Variants in SULT1C3 observed in about 807,000 individuals in gnomAD.
The protein encoded by SULT1C3 is sulfotransferase family 1C member 3.
Under a neutral mutation model 28.4 loss-of-function variants are expected in SULT1C3, and 31 were observed. That is an observed-to-expected ratio of 1.09 (90% CI 0.82 to 1.47). SULT1C3 has a LOEUF of 1.47. Among genes scored for constraint, SULT1C3 ranks in the 40% most tolerant of loss-of-function variants. The pLI is 0.00. For missense variants in SULT1C3, 307 were observed against 272.5 expected (o/e 1.13, Z -0.89); for synonymous variants, 106 against 92.2 (o/e 1.15, Z -0.86).
At chr2:108,262,603 G>C (rs1676048444), downstream of SULT1C3, among the ~76,000 whole-genome samples, 1 of 152,186 alleles carries the variant, frequency 6.6e-6, no homozygotes, top group South Asian at 2.1e-4. Flanking sequence ...AGAATGCCTT[G>C]ATGAAAGTTC....
At chr2:108,247,686 T>A (rs570752097) in intron 2 of SULT1C3, among the ~76,000 whole-genome samples, 1 of 152,156 alleles carries the variant, frequency 6.6e-6, no homozygotes, top group Non-Finnish European at 1.5e-5. Flanking sequence ...ACATCAACCC[T>A]CAAGACAGCC....
Position 108,253,264 on chromosome 2 carries a change from A to G in SULT1C3, c.302-81A>G, listed in dbSNP as rs1558664254. The G allele has an allele frequency of 5.6e-6, 5 of 899,118 alleles. No homozygotes were observed. The Admixed American group carries it at 1.5e-4, about 26-fold the overall frequency. 55.7% of individuals were successfully genotyped at this position (899,118 alleles called of 1,614,324 possible). The stretch of plus-strand genomic sequence containing the variant: ...ATATAAAACAAAATATAATCACTCT[A>G]CAGACAAAGATATAAATGGAATTCA... On this transcript the variant is annotated intron_variant, in intron 3 of 7. Coordinates refer to ENST00000681802, the MANE Select transcript of SULT1C3 (RefSeq NM_001320878.2).
At position 108,258,965 on chromosome 2, in the gene SULT1C3, G is replaced by T; in HGVS notation, c.622-1G>T. 1.4e-6 allele frequency: 1 copy of T among 707,564 alleles called. No homozygotes were observed. Among genetic ancestry groups the T allele is most frequent in the Non-Finnish European group, 2.5e-6 (1 of 406,426 alleles). The allele number at this position is 707,564 out of a possible 1,614,324, so 43.8% of individuals were successfully genotyped here. ...ACAATGCCTTTTTCTCCCATGATCA[G>T]AATCCAAAACATGAGATCCACAAGG... On this transcript the variant is annotated splice_acceptor_variant, in intron 6 of 7. Coordinates refer to ENST00000681802, the MANE Select transcript of SULT1C3 (RefSeq NM_001320878.2). LOFTEE classifies it high-confidence loss of function.
At chr2:108,263,460 T>C (rs1175917051), downstream of SULT1C3, among the ~76,000 whole-genome samples, 1 of 152,202 alleles carries the variant, frequency 6.6e-6, no homozygotes, top group Non-Finnish European at 1.5e-5. Flanking sequence ...ATAATTCTTA[T>C]CATGCTAGTA....
At chr2:108,262,335 T>C (rs1295485179), downstream of SULT1C3, among the ~76,000 whole-genome samples, 1 of 152,106 alleles carries the variant, frequency 6.6e-6, no homozygotes, top group East Asian at 1.9e-4. Context: ...GCAAATTTCA[T>C]TTTCCTACTC....
chr2:108,264,415 A>C (rs1203573585), downstream of SULT1C3, among the ~76,000 whole-genome samples: 2 of 152,114 alleles, frequency 1.3e-5, no homozygotes, highest in Non-Finnish European at 2.9e-5. Flanking sequence ...TGTAGTCCAA[A>C]TACTAGAGTT....
intron 5 of SULT1C3, among the ~76,000 whole-genome samples, chr2:108,255,980 A>G (rs1370422061): frequency 6.6e-6 from 1 of 152,036 alleles, no homozygotes; most frequent in Non-Finnish European, 1.5e-5. Flanking sequence ...AAGAGGCAAC[A>G]TTTCCTATGG....
At position 108,249,248 on chromosome 2, in the gene SULT1C3, G is replaced by T. The variant is rs564946853; in HGVS notation, c.172+1882G>T. Among the ~76,000 whole-genome samples the T allele has an allele frequency of 2.0e-5, 3 of 152,020 alleles. No homozygotes were observed. In the South Asian group the frequency reaches 6.2e-4, roughly 32 times the overall value. The stretch of plus-strand genomic sequence containing the variant: ...TAACTCATGAAGCTTGTGGTAATTT[G>T]TTAACCACAAAGTCTTCAACCTAGA... On this transcript the variant is annotated intron_variant, in intron 2 of 7. Transcript: ENST00000681802.
At chr2:108,263,512 A>T (rs926671748), downstream of SULT1C3, among the ~76,000 whole-genome samples, 2 of 152,280 alleles carry the variant, frequency 1.3e-5, no homozygotes, top group Non-Finnish European at 2.9e-5. Flanking sequence ...GGGGCATTGT[A>T]ATATTTCTGG....
chr2:108,242,122 T>C (rs1018492062), intron 1 of SULT1C3, among the ~76,000 whole-genome samples: 2 of 152,166 alleles, frequency 1.3e-5, no homozygotes. Flanking sequence ...AACCCTGGTA[T>C]CTAAGTTATA....
intron 7 of SULT1C3, 49 bp downstream of exon 7, chr2:108,259,195 C>A: frequency 1.1e-5 from 3 of 262,200 alleles, no homozygotes; most frequent in Non-Finnish European, 1.5e-5. Context: ...ATTTTCTACC[C>A]TATATGCTAA....
chr2:108,260,541 G>C (rs751856797), intron 7 of SULT1C3, 27 bp from the exon 8 acceptor site: 2 of 504,574 alleles, frequency 4.0e-6, no homozygotes, highest in Non-Finnish European at 7.9e-6. Context: ...TGCAGAGTCT[G>C]TCATGAACTT....
intron 1 of SULT1C3, among the ~76,000 whole-genome samples, chr2:108,246,700 A>G (rs903021505): frequency 2.6e-5 from 4 of 152,246 alleles, no homozygotes; most frequent in Admixed American, 6.5e-5. Flanking sequence ...TGTGAAAACT[A>G]TTCAAGAAAA....
intron 5 of SULT1C3, 91 bp from the exon 6 acceptor site, chr2:108,258,643 C>G: frequency 1.1e-6 from 1 of 915,632 alleles, no homozygotes; most frequent in South Asian, 1.8e-5. Context: ...ACGATAGTTA[C>G]AGAAGCTTAT....
chr2:108,244,854 C>T (rs909664855), intron 1 of SULT1C3, among the ~76,000 whole-genome samples: 2 of 152,248 alleles, frequency 1.3e-5, no homozygotes, highest in Admixed American at 1.3e-4. Flanking sequence ...GCTAAAAGAG[C>T]TGGGTTGATT....
Position 108,252,453 on chromosome 2 carries a change from C to G in SULT1C3, c.261C>G (p.His87Gln), listed in dbSNP as rs201163943. 5.6e-6 allele frequency: 9 copies of G among 1,612,380 alleles called. No individual in the cohort carries two copies. In the East Asian group the frequency reaches 1.8e-4, roughly 32 times the overall value. ...KCKRAQTLDRHAFLELKFPHK... is the reference protein window; with the variant it reads ...KCKRAQTLDRQAFLELKFPHK... ...AAAGAGCCCAGACTCTAGATAGACACGCTTTCCTTGAACTGAAATTTCCCC... is the reference window on the plus strand; with the variant it reads ...AAAGAGCCCAGACTCTAGATAGACAGGCTTTCCTTGAACTGAAATTTCCCC... The change falls in exon 3 of 8, where the codon CAC (histidine) becomes CAG (glutamine). Residue 87 changes from histidine (H) to glutamine (Q), a missense_variant. His to Gln is a conservative substitution (Grantham distance 24). Transcript: ENST00000681802.
chr2:108,252,185 A>AGATG (rs891677458), intron 2 of SULT1C3, among the ~76,000 whole-genome samples, 180 bp from the exon 3 acceptor site: 5 of 140,468 alleles, frequency 3.6e-5, no homozygotes, highest in African/African-American at 1.0e-4. Context: ...ATAGATAGAT[A>AGATG]GATGGATAGA....
chr2:108,242,766 A>T (rs1172283399), intron 1 of SULT1C3, among the ~76,000 whole-genome samples: 1 of 152,164 alleles, frequency 6.6e-6, no homozygotes, highest in Admixed American at 6.5e-5. Flanking sequence ...TTATTTTCCC[A>T]AAACAGGGTC....
chr2:108,260,530 G>T (rs776073849), intron 7 of SULT1C3, 38 bp from the exon 8 acceptor site: 4 of 492,832 alleles, frequency 8.1e-6, no homozygotes, highest in Non-Finnish European at 1.6e-5. Flanking sequence ...GGTGGAATGG[G>T]TGCAGAGTCT....
Sources: gnomAD v4.1 joint callset for allele counts (sites outside exome capture counted in the v4.1 genomes callset) on GRCh38, gnomAD v4.1.1 for gene constraint, MANE v1.5 for transcripts, NCBI Gene and HGNC (gene_info 2026-07-23, HGNC 2026-07-21) for gene names.